Variants in PCED1B observed in about 807,000 individuals in gnomAD.
PCED1B encodes the protein PC-esterase domain-containing protein 1B.
For missense variants in PCED1B, 573 were observed against 573.9 expected (o/e 1.00, Z 0.02); for synonymous variants, 251 against 246.1 (o/e 1.02, Z -0.19).
intron 1 of PCED1B, among the ~76,000 whole-genome samples, chr12:47,092,865 ATT>A (rs1938326307): frequency 6.6e-6 from 1 of 152,024 alleles, no homozygotes; most frequent in African/African-American, 2.4e-5. Context: ...CTTGCACTCC[ATT>A]TACTGTATCA....
chr12:47,115,512 T>G (rs74857812), intron 2 of PCED1B, among the ~76,000 whole-genome samples: 4,531 of 152,266 alleles, frequency 0.03, 179 homozygotes, highest in African/African-American at 0.087. Flanking sequence ...ATGAACACTT[T>G]GATACCTCCT....
intron 2 of PCED1B, among the ~76,000 whole-genome samples, chr12:47,104,785 G>T (rs1413195815): frequency 6.6e-6 from 1 of 152,118 alleles, no homozygotes; most frequent in Non-Finnish European, 1.5e-5. Context: ...GACCACACTT[G>T]GTGAGTGAAG....
At chr12:47,162,178 G>C (rs1330798757) in intron 2 of PCED1B, among the ~76,000 whole-genome samples, 1 of 151,926 alleles carries the variant, frequency 6.6e-6, no homozygotes, top group Non-Finnish European at 1.5e-5. Context: ...GAATTAATGG[G>C]TGCAGCACAC....
At chr12:47,223,005 A>G (rs1467194944) in intron 3 of PCED1B, among the ~76,000 whole-genome samples, 1 of 152,084 alleles carries the variant, frequency 6.6e-6, no homozygotes, top group African/African-American at 2.4e-5. Context: ...ATTTCCTGAC[A>G]CTCTGAAAAT....
At chr12:47,134,221 AT>A (rs1237843297) in intron 2 of PCED1B, among the ~76,000 whole-genome samples, 1 of 152,180 alleles carries the variant, frequency 6.6e-6, no homozygotes, top group Non-Finnish European at 1.5e-5. Flanking sequence ...TGAAAAGGAG[AT>A]TTGGAAAGTG....
At chr12:47,114,604 C>G (rs1939338788) in intron 2 of PCED1B, among the ~76,000 whole-genome samples, 1 of 152,150 alleles carries the variant, frequency 6.6e-6, no homozygotes, top group South Asian at 2.1e-4. Context: ...GGCTGCCTCC[C>G]CACTACTTCT....
At chr12:47,129,640 T>A (rs894870290) in intron 2 of PCED1B, among the ~76,000 whole-genome samples, 1 of 151,804 alleles carries the variant, frequency 6.6e-6, no homozygotes, top group Non-Finnish European at 1.5e-5. Flanking sequence ...CCCCCTTGGG[T>A]GGGATTCTCA....
chr12:47,225,786 A>G (rs1259813235), intron 3 of PCED1B, among the ~76,000 whole-genome samples: 1 of 152,222 alleles, frequency 6.6e-6, no homozygotes, highest in Non-Finnish European at 1.5e-5. Flanking sequence ...ATGAATCAAA[A>G]CATCCTAATT....
chr12:47,145,819 G>T (rs1940762324), intron 2 of PCED1B, among the ~76,000 whole-genome samples: 1 of 152,184 alleles, frequency 6.6e-6, no homozygotes, highest in South Asian at 2.1e-4. Context: ...ATGGAGATGT[G>T]CAAGGAGATA....
rs1941677927 is a variant in PCED1B at position 47,170,153 on chromosome 12, C to T, written c.-525-46069C>T. On this transcript the variant is annotated intron_variant, in intron 2 of 3. Coordinates refer to ENST00000546455, the MANE Select transcript of PCED1B (RefSeq NM_138371.3). Reference sequence around the variant, plus strand: ...TTTAACAAAGCACATCTTGCACTGCCCTTAATCCATTTAACCCTGAGTGGA... The same window carrying T: ...TTTAACAAAGCACATCTTGCACTGCTCTTAATCCATTTAACCCTGAGTGGA... 2.0e-5 allele frequency among the ~76,000 whole-genome samples: 3 copies of T among 151,966 alleles called. No homozygotes were observed. The South Asian group carries it at 6.2e-4, about 32-fold the overall frequency.
intron 1 of PCED1B, among the ~76,000 whole-genome samples, chr12:47,102,550 G>T (rs1938755054): frequency 6.6e-6 from 1 of 152,106 alleles, no homozygotes. Flanking sequence ...TTGCTATTAG[G>T]TTGAGCCATA....
At chr12:47,218,345 A>G (rs1943366583) in intron 3 of PCED1B, among the ~76,000 whole-genome samples, 1 of 152,230 alleles carries the variant, frequency 6.6e-6, no homozygotes, top group Non-Finnish European at 1.5e-5. Flanking sequence ...CTTGTTCCTC[A>G]GCTTCCTTAG....
intron 2 of PCED1B, among the ~76,000 whole-genome samples, chr12:47,178,297 C>A (rs575108765): frequency 1.3e-5 from 2 of 152,132 alleles, no homozygotes; most frequent in Non-Finnish European, 2.9e-5. Flanking sequence ...GAGGAGGACC[C>A]GGTGGATGCC....
At chr12:47,193,329 TC>T (rs982972044) in intron 2 of PCED1B, among the ~76,000 whole-genome samples, 3 of 152,160 alleles carry the variant, frequency 2.0e-5, no homozygotes, top group Admixed American at 1.3e-4. Context: ...CACTGTCCAC[TC>T]AGAGTTGTTC....
chr12:47,158,807 T>C (rs984108358), intron 2 of PCED1B, among the ~76,000 whole-genome samples: 1 of 152,198 alleles, frequency 6.6e-6, no homozygotes, highest in African/African-American at 2.4e-5. Context: ...TTTTGAAATA[T>C]GCAATACATT....
At chr12:47,201,519 G>A (rs1256120330) in intron 2 of PCED1B, among the ~76,000 whole-genome samples, 5 of 152,062 alleles carry the variant, frequency 3.3e-5, no homozygotes, top group Admixed American at 3.3e-4. Flanking sequence ...TCTAAAAACA[G>A]GGTTAGTAAA....
intron 1 of PCED1B, 44 bp from the exon 2 acceptor site, chr12:47,104,069 G>T (rs1251087805): frequency 2.0e-5 from 3 of 152,162 alleles, no homozygotes; most frequent in Non-Finnish European, 2.9e-5. Flanking sequence ...CTCATTAGGG[G>T]TGATGGAAAA....
In PCED1B at chr12:47,104,198, G is replaced by A. The variant is rs1268221649; in HGVS notation, c.-526+3G>A. On this transcript the variant is annotated splice_donor_region_variant and intron_variant, in intron 2 of 3. Transcript: ENST00000546455. ...AAGACTCTGCCTCCTACAAATATGT[G>A]AGTTTTTCTCCCCTGGCTTCATGGT... The A allele has an allele frequency of 2.6e-5, 4 of 152,144 alleles. No homozygotes were observed. The highest frequency in any genetic ancestry group is 5.9e-5 in the Non-Finnish European group (4 of 68,032). The allele number at this position is 152,144 out of a possible 1,614,324, so 9.4% of individuals were successfully genotyped here. A position where few individuals can be genotyped will look rare whatever the true frequency, so the allele number is the denominator to read the frequency against.
chr12:47,153,143 A>G (rs1378788525), intron 2 of PCED1B, among the ~76,000 whole-genome samples: 2 of 151,918 alleles, frequency 1.3e-5, no homozygotes, highest in Non-Finnish European at 2.9e-5. Context: ...AGGTCAGGAG[A>G]TCAAGACCAT....
Sources: allele counts gnomAD v4.1 joint callset (sites outside exome capture counted in the v4.1 genomes callset), GRCh38; gene constraint gnomAD v4.1.1; transcripts MANE v1.5; gene names NCBI Gene and HGNC (gene_info 2026-07-23, HGNC 2026-07-21).